KCNQ2: variants seen among roughly 807,000 people sequenced by gnomAD.
The protein encoded by KCNQ2 is potassium voltage-gated channel subfamily Q member 2, also known as potassium voltage-gated channel subfamily KQT member 2.
Under a neutral mutation model 84.8 loss-of-function variants are expected in KCNQ2, and 14 were observed. That is an observed-to-expected ratio of 0.17 (90% CI 0.11 to 0.26). The LOEUF is 0.26. KCNQ2 is among the 10% of genes least tolerant of loss of function. The pLI is 1.00. For synonymous variants in KCNQ2, 599 were observed against 554.1 expected (o/e 1.08, Z -1.14); for missense variants, 788 against 1,254.0 (o/e 0.63, Z 5.61).
Position 63,425,240 on chromosome 20 carries a change from C to A in KCNQ2, c.1218-1034G>T, listed in dbSNP as rs920055347. Among the ~76,000 whole-genome samples, 4 of 152,218 alleles carry A rather than the reference C, an allele frequency of 2.6e-5. No homozygotes were observed. Among genetic ancestry groups the A allele is most frequent in the African/African-American group, 7.2e-5 (3 of 41,450 alleles). On this transcript the variant is annotated intron_variant, in intron 10 of 16. Coordinates refer to ENST00000359125, the MANE Select transcript of KCNQ2 (RefSeq NM_172107.4). This position sits in a 1 kb window ranked among gnomAD's most constrained non-coding sequence, Gnocchi z 5.5. ...AAGCTCAGTTACAGCTGCAAGGACC[C>A]TTTCTCCAAATCAGGTCACATTTGC...
Position 63,472,551 on chromosome 20 carries a change from C to A in KCNQ2, c.-88G>T, listed in dbSNP as rs185287315. 87,615 of 1,155,718 alleles carry A rather than the reference C, an allele frequency of 0.076. 5,800 individuals carry two copies. The highest frequency in any genetic ancestry group is 0.45 in the East Asian group (13,003 of 28,968). 71.6% of individuals were successfully genotyped at this position (1,155,718 alleles called of 1,614,324 possible). ...GGCGCGGGCCCCAGCCCAGGCCCCCCGGCCGGGAGCCGCATGGCCGAGGCG... is the reference window on the plus strand; with the variant it reads ...GGCGCGGGCCCCAGCCCAGGCCCCCAGGCCGGGAGCCGCATGGCCGAGGCG... On this transcript the variant is annotated 5_prime_UTR_variant, in exon 1 of 17. Coordinates refer to ENST00000359125, the MANE Select transcript of KCNQ2 (RefSeq NM_172107.4).
intron 7 of KCNQ2, among the ~76,000 whole-genome samples, chr20:63,435,508 T>C (rs1444700298): frequency 6.6e-6 from 1 of 151,828 alleles, no homozygotes; most frequent in Admixed American, 6.6e-5. Flanking sequence ...ATGAGCAAAG[T>C]AAGTGGTTTC....
intron 7 of KCNQ2, among the ~76,000 whole-genome samples, chr20:63,435,928 T>A (rs2080984101): frequency 6.6e-6 from 1 of 151,622 alleles, no homozygotes; most frequent in Non-Finnish European, 1.5e-5. Context: ...CAGTGGTTCA[T>A]CTCTGGTTAT....
At chr20:63,470,389 G>A (rs754151738) in intron 1 of KCNQ2, among the ~76,000 whole-genome samples, 7 of 152,344 alleles carry the variant, frequency 4.6e-5, no homozygotes, top group Non-Finnish European at 1.0e-4. Context: ...CGTCCGGACT[G>A]GGGGTGGTCA....
In KCNQ2 at chr20:63,472,456, T is replaced by C; in HGVS notation, c.8A>G (p.Gln3Arg). 1 of 1,511,530 alleles carries C rather than the reference T, an allele frequency of 6.6e-7. No individual in the cohort carries two copies. The highest frequency in any genetic ancestry group is 8.8e-7 in the Non-Finnish European group (1 of 1,136,874). The allele number at this position is 1,511,530 out of a possible 1,614,324, so 93.6% of individuals were successfully genotyped here. ...GTATACGCCGCCGTTGCGCGACTTC[T>C]GCACCATGGTGCCTGGCGGGAGGCG... MV[Q>R]KSRNGGVYPG... is the part of the protein sequence containing the mutation. The change falls in exon 1 of 17, where the codon CAG (glutamine) becomes CGG (arginine). Residue 3 changes from glutamine (Q) to arginine (R), a missense_variant. By Grantham distance (43) the Gln-to-Arg change is conservative (BLOSUM62 1). Transcript: ENST00000359125.
intron 2 of KCNQ2, 133 bp from the exon 3 acceptor site, chr20:63,445,497 G>T: frequency 1.9e-6 from 1 of 531,558 alleles, no homozygotes; most frequent in Non-Finnish European, 2.9e-6. Flanking sequence ...GAAACTGCAA[G>T]CTGACCCCCC....
chr20:63,427,640 G>GTC (rs1241853516), intron 10 of KCNQ2, among the ~76,000 whole-genome samples: 1 of 152,208 alleles, frequency 6.6e-6, no homozygotes, highest in East Asian at 1.9e-4. Flanking sequence ...CATCACTTCA[G>GTC]TCTCTCTCTC....
At chr20:63,443,281 C>T (rs1265990504) in intron 4 of KCNQ2, among the ~76,000 whole-genome samples, 1 of 77,474 alleles carries the variant, frequency 1.3e-5, no homozygotes, top group Non-Finnish European at 2.8e-5. Flanking sequence ...CCACCATCAC[C>T]ATCACCATCA....
chr20:63,419,098 G>A (rs745333217), intron 12 of KCNQ2, among the ~76,000 whole-genome samples: 12 of 151,994 alleles, frequency 7.9e-5, no homozygotes, highest in African/African-American at 1.4e-4. Flanking sequence ...CTCCTCCCCC[G>A]TCCTATTTCC....
chr20:63,414,319 G>A lies in KCNQ2; in HGVS notation c.1526-126C>T, dbSNP rs191082039. The A allele has an allele frequency of 1.9e-3, 1,283 of 678,964 alleles. 14 individuals carry two copies. The highest frequency in any genetic ancestry group is 0.013 in the African/African-American group (708 of 55,510). The allele number at this position is 678,964 out of a possible 1,614,324, so 42.1% of individuals were successfully genotyped here. On this transcript the variant is annotated intron_variant, in intron 13 of 16. Transcript: ENST00000359125. The surrounding 1 kb of genome is among the most constrained non-coding windows in gnomAD (Gnocchi z 6.6). ...CTCGAGGCTCCCTGTGGTGCCCCTCGGGTGCACCTGCTTTTCTGGAAACCC... is the reference window on the plus strand; with the variant it reads ...CTCGAGGCTCCCTGTGGTGCCCCTCAGGTGCACCTGCTTTTCTGGAAACCC...
At chr20:63,464,935 C>G (rs1219583508) in intron 1 of KCNQ2, among the ~76,000 whole-genome samples, 1 of 152,250 alleles carries the variant, frequency 6.6e-6, no homozygotes, top group Non-Finnish European at 1.5e-5. Context: ...CCAGAACACT[C>G]AATGGGACAA....
chr20:63,443,427 T>A (rs201500132), intron 4 of KCNQ2, among the ~76,000 whole-genome samples: 1 of 11,058 alleles, frequency 9.0e-5, no homozygotes, highest in Non-Finnish European at 2.0e-4. Flanking sequence ...ACCACCATCA[T>A]CACCATCACC....
At chr20:63,452,029 C>A (rs2081629607) in intron 1 of KCNQ2, among the ~76,000 whole-genome samples, 1 of 152,256 alleles carries the variant, frequency 6.6e-6, no homozygotes, top group Non-Finnish European at 1.5e-5. Flanking sequence ...CACAGGCGGC[C>A]CGGCCAAGGT....
chr20:63,465,218 T>A (rs1052173706), intron 1 of KCNQ2, among the ~76,000 whole-genome samples: 1 of 152,172 alleles, frequency 6.6e-6, no homozygotes, highest in African/African-American at 2.4e-5. Flanking sequence ...GCACGACCCA[T>A]CCCAGCTTCA....
At chr20:63,455,675 C>A (rs191389124) in intron 1 of KCNQ2, among the ~76,000 whole-genome samples, 1,662 of 152,114 alleles carry the variant, frequency 0.011, 16 homozygotes, top group Non-Finnish European at 0.019. Flanking sequence ...GTCCTGGGGC[C>A]CCCACCGCCC....
At chr20:63,447,233 G>GA (rs2081457782) in intron 1 of KCNQ2, 1 of 280,914 alleles carries the variant, frequency 3.6e-6, no homozygotes, top group Admixed American at 4.7e-5. Flanking sequence ...ACAAACACAG[G>GA]AACAAGCAAA....
At position 63,404,427 on chromosome 20, in the gene KCNQ2, GAA is replaced by G. The variant is rs2079880790; in HGVS notation, c.*2215_*2216del. The G allele has an allele frequency of 2.0e-5, 3 of 151,466 alleles. No homozygotes were observed. The highest frequency in any genetic ancestry group is 4.4e-5 in the Non-Finnish European group (3 of 68,270). The allele number at this position is 151,466 out of a possible 1,614,324, so 9.4% of individuals were successfully genotyped here. ...GGCGGGGCCACACCTGGCGGGGGAG[GAA>G]AGAGCAGGCGGGGTCACACCTGCAG... On this transcript the variant is annotated 3_prime_UTR_variant, in exon 17 of 17. Transcript: ENST00000359125.
At chr20:63,457,942 G>C (rs2081847198) in intron 1 of KCNQ2, among the ~76,000 whole-genome samples, 1 of 152,160 alleles carries the variant, frequency 6.6e-6, no homozygotes, top group African/African-American at 2.4e-5. Context: ...ACGGTCCCTG[G>C]AGACGGAAGC....
intron 4 of KCNQ2, among the ~76,000 whole-genome samples, chr20:63,443,248 C>T (rs2081290306): frequency 1.8e-5 from 1 of 54,828 alleles, no homozygotes; most frequent in Non-Finnish European, 3.9e-5. Flanking sequence ...ACCACCATCA[C>T]ATCACCATCG....
Sources: allele counts gnomAD v4.1 joint callset (sites outside exome capture counted in the v4.1 genomes callset), GRCh38; gene constraint gnomAD v4.1.1; non-coding constraint Gnocchi (gnomAD v3.1); transcripts MANE v1.5; gene names NCBI Gene and HGNC (gene_info 2026-07-23, HGNC 2026-07-21).